SLIT3: variants seen among roughly 807,000 people sequenced by gnomAD.
The protein encoded by SLIT3 is slit homolog 3 protein.
Under a neutral mutation model 184.0 loss-of-function variants are expected in SLIT3, and 68 were observed. The ratio of observed to expected loss-of-function variants is 0.37; its 90% CI spans 0.30 to 0.45. SLIT3 has a LOEUF of 0.45. SLIT3 is among the 20% of genes least tolerant of loss of function. SLIT3 has a pLI of 1.00. For missense variants in SLIT3, 1,707 were observed against 2,026.0 expected (o/e 0.84, Z 3.02); for synonymous variants, 831 against 828.6 (o/e 1.00, Z -0.05).
intron 1 of SLIT3, among the ~76,000 whole-genome samples, chr5:169,274,024 A>G (rs1372912040): frequency 6.6e-6 from 1 of 152,216 alleles, no homozygotes. Flanking sequence ...CCCTATCTTC[A>G]AAGAGCTCAG....
intron 7 of SLIT3, among the ~76,000 whole-genome samples, chr5:168,818,717 G>A (rs1014576878): frequency 6.6e-5 from 10 of 152,232 alleles, no homozygotes; most frequent in Admixed American, 3.9e-4. Flanking sequence ...GGAATAGAGA[G>A]AGCTGAAGGG....
chr5:169,011,839 A>G (rs2113457936), intron 4 of SLIT3, among the ~76,000 whole-genome samples: 1 of 152,228 alleles, frequency 6.6e-6, no homozygotes, highest in Admixed American at 6.5e-5. Context: ...GGAAATAAAG[A>G]GTATGATTCT....
intron 4 of SLIT3, among the ~76,000 whole-genome samples, chr5:168,967,948 T>C (rs9791118): frequency 0.04 from 6,025 of 152,290 alleles, 156 homozygotes; most frequent in Middle Eastern, 0.065. Flanking sequence ...GCTAGCACTT[T>C]CGTGCCTGCA....
chr5:168,872,640 C>CTTCTTTTT (rs1554151402), intron 5 of SLIT3, among the ~76,000 whole-genome samples: 1 of 112,430 alleles, frequency 8.9e-6, no homozygotes, highest in Non-Finnish European at 1.8e-5. Flanking sequence ...TCTTCTTCTT[C>CTTCTTTTT]TTTTTTTTTT....
At chr5:169,187,209 G>T (rs577116937) in intron 4 of SLIT3, among the ~76,000 whole-genome samples, 1 of 143,452 alleles carries the variant, frequency 7.0e-6, no homozygotes, top group Admixed American at 7.6e-5. Context: ...TGCCTCCTGG[G>T]TTCAAGCGAT....
In SLIT3 at chr5:169,067,281, C is replaced by G. The variant is rs149697390; in HGVS notation, c.413+126198G>C. Among the ~76,000 whole-genome samples, 659 of 152,206 alleles carry G rather than the reference C, an allele frequency of 4.3e-3. 4 individuals are homozygous for G. Among genetic ancestry groups the G allele is most frequent in the African/African-American group, 0.015 (618 of 41,526 alleles). ...AAAAATTAGGCATGGTGGCACACAA[C>G]TGTAGTCCCAGCTACTCAGGAGGCT... is the stretch of plus-strand genomic sequence containing the variant. On this transcript the variant is annotated intron_variant, in intron 4 of 35. Transcript: ENST00000519560.
chr5:168,722,083 ACT>A (rs111454948), intron 23 of SLIT3, among the ~76,000 whole-genome samples, 171 bp downstream of exon 23: 6 of 152,172 alleles, frequency 3.9e-5, no homozygotes, highest in Admixed American at 3.9e-4. Context: ...GGAATGGCAG[ACT>A]CTCAAAGGTA....
intron 32 of SLIT3, among the ~76,000 whole-genome samples, chr5:168,681,743 G>A (rs1464010777): frequency 6.6e-6 from 1 of 152,246 alleles, no homozygotes; most frequent in Non-Finnish European, 1.5e-5. Context: ...GACAGCTAAC[G>A]TCAGCAGAGG....
chr5:169,059,175 A>G (rs553530728), intron 4 of SLIT3, among the ~76,000 whole-genome samples: 1 of 152,334 alleles, frequency 6.6e-6, no homozygotes, highest in South Asian at 2.1e-4. Context: ...TCCTCCTGAC[A>G]AACAGAAGCC....
intron 4 of SLIT3, among the ~76,000 whole-genome samples, chr5:169,151,955 C>T (rs1389092892): frequency 6.6e-6 from 1 of 152,232 alleles, no homozygotes; most frequent in East Asian, 1.9e-4. Context: ...GAGCACCTGT[C>T]TCAAGGTGTT....
rs72839528 is a variant in SLIT3 at position 168,731,307 on chromosome 5, C to A, written c.2271-6823G>T. On this transcript the variant is annotated intron_variant, in intron 20 of 35. Transcript: ENST00000519560. ...AATCAGTAATACAAAATATCCCCCC[C>A]TAAACTGCCACCAAAAAGCCCAGGA... Among the ~76,000 whole-genome samples, 256 of 151,896 alleles carry A rather than the reference C, an allele frequency of 1.7e-3. 1 individual carries two copies. The highest frequency in any genetic ancestry group is 3.2e-3 in the Non-Finnish European group (214 of 67,730).
chr5:169,253,543 G>A (rs535355351), intron 1 of SLIT3, among the ~76,000 whole-genome samples: 16 of 152,244 alleles, frequency 1.1e-4, no homozygotes, highest in African/African-American at 3.6e-4. Flanking sequence ...TCTCTGAGGT[G>A]CGGTTTCTCC....
At chr5:168,854,997 A>G (rs1758811219) in intron 5 of SLIT3, among the ~76,000 whole-genome samples, 1 of 152,212 alleles carries the variant, frequency 6.6e-6, no homozygotes, top group African/African-American at 2.4e-5. Flanking sequence ...GAAATACTCT[A>G]GAAGAGGCCA....
intron 27 of SLIT3, among the ~76,000 whole-genome samples, chr5:168,698,840 C>T (rs1224147511): frequency 2.0e-5 from 3 of 152,162 alleles, no homozygotes; most frequent in Admixed American, 2.0e-4. Flanking sequence ...TAGATCTGGG[C>T]CCTTTTCCTT....
intron 4 of SLIT3, among the ~76,000 whole-genome samples, chr5:169,097,581 C>T (rs1759835492): frequency 6.6e-6 from 1 of 152,048 alleles, no homozygotes; most frequent in Non-Finnish European, 1.5e-5. Context: ...ACTGTTAAAA[C>T]TATCAAAGGC....
At chr5:168,991,604 T>C (rs984167946) in intron 4 of SLIT3, among the ~76,000 whole-genome samples, 12 of 152,196 alleles carry the variant, frequency 7.9e-5, no homozygotes, top group African/African-American at 2.9e-4. Flanking sequence ...GCCTGGGGAA[T>C]GCAGTGCCCT....
Position 169,193,478 on chromosome 5 carries a change from C to T in SLIT3, c.413+1G>A. ...AGAGAACACAAGGCAACTCTACTCA[C>T]AGTCTGGTGAGCTTCGGCGTGCTCT... On this transcript the variant is annotated splice_donor_variant, in intron 4 of 35. Transcript: ENST00000519560. LOFTEE classifies it high-confidence loss of function. 6.2e-7 allele frequency: 1 copy of T among 1,613,612 alleles called. No individual in the cohort carries two copies. The highest frequency in any genetic ancestry group is 8.5e-7 in the Non-Finnish European group (1 of 1,179,524).
At chr5:168,878,177 AGCAC>A (rs1365805839) in intron 5 of SLIT3, among the ~76,000 whole-genome samples, 1 of 152,190 alleles carries the variant, frequency 6.6e-6, no homozygotes, top group African/African-American at 2.4e-5. Context: ...CTTTAAATAC[AGCAC>A]CTTCCGCCCT....
At position 169,300,788 on chromosome 5, in the gene SLIT3, CGCGGGCGGCCTGGGGA is replaced by C. The variant is rs1427897437; in HGVS notation, c.-95_-80del. 1.6e-6 allele frequency: 2 copies of C among 1,233,384 alleles called. No homozygotes were observed. Among genetic ancestry groups the C allele is most frequent in the Non-Finnish European group, 2.0e-6 (2 of 988,976 alleles). The allele number at this position is 1,233,384 out of a possible 1,614,324, so 76.4% of individuals were successfully genotyped here. ...GGAGCCCGAGGAGGCGCGCGGGGAG[CGCGGGCGGCCTGGGGA>C]GCGGGCGGCGGAGTTAGCGCGGAGG... On this transcript the variant is annotated 5_prime_UTR_variant, in exon 1 of 36. Coordinates refer to ENST00000519560, the MANE Select transcript of SLIT3 (RefSeq NM_003062.4). This position sits in a 1 kb window ranked among gnomAD's most constrained non-coding sequence, Gnocchi z 4.1.
Sources: gnomAD v4.1 joint callset for allele counts (sites outside exome capture counted in the v4.1 genomes callset) on GRCh38, gnomAD v4.1.1 for gene constraint, Gnocchi (gnomAD v3.1) non-coding constraint, MANE v1.5 for transcripts, NCBI Gene and HGNC (gene_info 2026-07-23, HGNC 2026-07-21) for gene names.